Variants in TGFBR3 observed in about 807,000 individuals in gnomAD.
The protein encoded by TGFBR3 is transforming growth factor beta receptor 3.
In TGFBR3, 46 loss-of-function variants were observed where a neutral mutation model predicts 87.9. That is an observed-to-expected ratio of 0.52 (90% CI 0.41 to 0.67). The LOEUF (loss-of-function observed/expected upper bound fraction) is 0.67. TGFBR3 is among the 30% of genes least tolerant of loss of function. The pLI, the probability that TGFBR3 is intolerant of heterozygous loss-of-function variation, is 0.00. For missense variants in TGFBR3, 866 were observed against 1,041.9 expected (o/e 0.83, Z 2.32); for synonymous variants, 381 against 391.6 (o/e 0.97, Z 0.32).
At chr1:91,813,920 G>A (rs1361936872) in intron 2 of TGFBR3, among the ~76,000 whole-genome samples, 2 of 152,084 alleles carry the variant, frequency 1.3e-5, no homozygotes, top group East Asian at 1.9e-4. Flanking sequence ...CTTCATATGC[G>A]CAGTTCACAA....
chr1:91,816,786 T>C (rs1015164079), intron 2 of TGFBR3, among the ~76,000 whole-genome samples: 12 of 152,228 alleles, frequency 7.9e-5, no homozygotes, highest in Non-Finnish European at 2.9e-5. Context: ...AATTTAGTTA[T>C]ATACATTCTT....
intron 2 of TGFBR3, among the ~76,000 whole-genome samples, chr1:91,806,650 G>A (rs555046884): frequency 5.9e-5 from 9 of 152,286 alleles, no homozygotes; most frequent in African/African-American, 1.9e-4. Flanking sequence ...AATGAGGAGC[G>A]TGTGTTCAGC....
chr1:91,868,590 G>A (rs1031492246), intron 1 of TGFBR3, among the ~76,000 whole-genome samples: 1 of 152,134 alleles, frequency 6.6e-6, no homozygotes, highest in Non-Finnish European at 1.5e-5. Context: ...GTTCAGCTGG[G>A]GGCTGTGGAA....
intron 12 of TGFBR3, among the ~76,000 whole-genome samples, chr1:91,713,135 C>T (rs1672042581): frequency 6.6e-6 from 1 of 152,200 alleles, no homozygotes; most frequent in Non-Finnish European, 1.5e-5. Context: ...CCATCATGGG[C>T]CTGGTAAAGT....
intron 2 of TGFBR3, among the ~76,000 whole-genome samples, chr1:91,854,025 A>T (rs1242297686): frequency 6.6e-6 from 1 of 152,158 alleles, no homozygotes; most frequent in Non-Finnish European, 1.5e-5. Context: ...TCCCAGAAAA[A>T]AAGTCAAACT....
intron 1 of TGFBR3, among the ~76,000 whole-genome samples, chr1:91,878,665 T>C (rs1678952781): frequency 6.6e-6 from 1 of 152,208 alleles, no homozygotes; most frequent in African/African-American, 2.4e-5. Context: ...AGGACTAGTA[T>C]CTGTAAAGAT....
upstream of TGFBR3, among the ~76,000 whole-genome samples, chr1:91,887,082 G>T (rs1679341038): frequency 6.6e-6 from 1 of 151,942 alleles, no homozygotes; most frequent in African/African-American, 2.4e-5. Flanking sequence ...TGAAATGACC[G>T]TGGACTGACA....
intron 2 of TGFBR3, among the ~76,000 whole-genome samples, chr1:91,859,077 T>C (rs573888038): frequency 1.3e-5 from 2 of 151,256 alleles, no homozygotes; most frequent in Non-Finnish European, 2.9e-5. Flanking sequence ...AAAAAAAATC[T>C]GTAACTCTAC....
chr1:91,716,297 A>T lies in TGFBR3; in HGVS notation c.1805T>A (p.Leu602His), dbSNP rs556991834. 1.7e-4 allele frequency: 270 copies of T among 1,614,150 alleles called. 4 individuals are homozygous for T. The South Asian group carries it at 2.8e-3, about 17-fold the overall frequency. Reference protein sequence around the residue: ...TFNMELYNTDLFLVPSQGVFS... With the variant: ...TFNMELYNTDHFLVPSQGVFS... ...GACGCCCTGGGAGGGCACCAAAAAG[A>T]GGTCAGTGTTGTATAGCTCCATGTT... is the stretch of plus-strand genomic sequence containing the variant. The change falls in exon 12 of 17, where the codon CTC (leucine) becomes CAC (histidine). Residue 602 changes from leucine to histidine, a missense_variant. By Grantham distance (99) the Leu-to-His change is moderately conservative. Coordinates refer to ENST00000212355, the MANE Select transcript of TGFBR3 (RefSeq NM_003243.5).
rs1271180037 is a variant in TGFBR3, at chr1:91,682,164, C to A, written c.*1575G>T. 2.2e-6 allele frequency: 1 copy of A among 453,984 alleles called. No individual in the cohort carries two copies. The highest frequency in any genetic ancestry group is 4.4e-6 in the Non-Finnish European group (1 of 226,766). The allele number at this position is 453,984 out of a possible 1,614,324, so 28.1% of individuals were successfully genotyped here. A position where few individuals can be genotyped will look rare whatever the true frequency, so the allele number is the denominator to read the frequency against. On this transcript the variant is annotated 3_prime_UTR_variant, in exon 17 of 17. Transcript: ENST00000212355. ...ATACTTGTTTCCCATGTAGACACTG[C>A]CCTAAGGTTTTAAGCTTCATCAGGA... is the stretch of plus-strand genomic sequence containing the variant.
intron 3 of TGFBR3, among the ~76,000 whole-genome samples, chr1:91,795,389 T>C (rs1010671643): frequency 6.6e-6 from 1 of 152,210 alleles, no homozygotes; most frequent in Admixed American, 6.5e-5. Flanking sequence ...ACTATGTCCC[T>C]GATGCCAGCT....
rs1299814789 is a variant in TGFBR3 at position 91,693,395 on chromosome 1, T to G, written c.2437+2277A>C. 2.6e-5 allele frequency among the ~76,000 whole-genome samples: 4 copies of G among 152,314 alleles called. No homozygotes were observed. The East Asian group carries it at 7.7e-4, about 29-fold the overall frequency. On this transcript the variant is annotated intron_variant, in intron 16 of 16. Coordinates refer to ENST00000212355, the MANE Select transcript of TGFBR3 (RefSeq NM_003243.5). ...TTCTTAAATTTACTTACAAACCTAT[T>G]TCTACATTAACAGTACTTGAAAGGC...
chr1:91,894,413 C>T (rs1008802663), intron 2 of TGFBR3, among the ~76,000 whole-genome samples: 18 of 152,152 alleles, frequency 1.2e-4, no homozygotes, highest in African/African-American at 4.3e-4. Context: ...ACCCCTATTT[C>T]TCTACTCCCT....
At chr1:91,740,361 G>C (rs1169208817) in intron 4 of TGFBR3, among the ~76,000 whole-genome samples, 3 of 146,728 alleles carry the variant, frequency 2.0e-5, no homozygotes, top group Non-Finnish European at 4.5e-5. Flanking sequence ...ACCCAGCTGG[G>C]ATTACAATTT....
chr1:91,847,207 G>A (rs2799516), intron 2 of TGFBR3, among the ~76,000 whole-genome samples: 21,705 of 152,136 alleles, frequency 0.14, 1,964 homozygotes, highest in East Asian at 0.38. Context: ...TATAATAAAT[G>A]TGGTGTCAGG....
intron 6 of TGFBR3, among the ~76,000 whole-genome samples, chr1:91,729,000 T>C (rs1247376693): frequency 6.6e-6 from 1 of 151,494 alleles, no homozygotes; most frequent in Non-Finnish European, 1.5e-5. Flanking sequence ...CGAATGGCTT[T>C]TTGGTATGTC....
intron 4 of TGFBR3, among the ~76,000 whole-genome samples, chr1:91,754,613 G>A (rs1057501615): frequency 3.9e-5 from 6 of 152,106 alleles, no homozygotes; most frequent in African/African-American, 1.2e-4. Context: ...TGCCTGACAC[G>A]TTCCCTTCTT....
At chr1:91,712,687 A>G in intron 12 of TGFBR3, 145 bp from the exon 13 acceptor site, 1 of 717,890 alleles carries the variant, frequency 1.4e-6, no homozygotes, top group South Asian at 1.7e-5. Flanking sequence ...TCTAATTACA[A>G]AAGTAACACA....
At chr1:91,789,689 GGA>G (rs1675115702) in intron 3 of TGFBR3, among the ~76,000 whole-genome samples, 2 of 152,172 alleles carry the variant, frequency 1.3e-5, no homozygotes, top group Admixed American at 6.5e-5. Flanking sequence ...AGTTCCTATT[GGA>G]GAGTTAGCTG....
Sources: allele counts gnomAD v4.1 joint callset (sites outside exome capture counted in the v4.1 genomes callset), GRCh38; gene constraint gnomAD v4.1.1; transcripts MANE v1.5; gene names NCBI Gene and HGNC (gene_info 2026-07-23, HGNC 2026-07-21).